Variants in DNAJC3 observed in about 807,000 individuals in gnomAD.
The protein encoded by DNAJC3 is DnaJ heat shock protein family (Hsp40) member C3.
Under a neutral mutation model 68.6 loss-of-function variants are expected in DNAJC3, and 38 were observed. That is an observed-to-expected ratio of 0.55 (90% CI 0.43 to 0.73). DNAJC3 has a LOEUF of 0.73. Among genes scored for constraint, DNAJC3 ranks in the 30% least tolerant of loss-of-function variants. DNAJC3 has a pLI of 0.00. For synonymous variants in DNAJC3, 203 were observed against 204.0 expected (o/e 1.00, Z 0.04); for missense variants, 526 against 591.9 (o/e 0.89, Z 1.16).
chr13:95,779,511 A>G (rs981515855), intron 9 of DNAJC3, among the ~76,000 whole-genome samples: 1 of 152,212 alleles, frequency 6.6e-6, no homozygotes, highest in Non-Finnish European at 1.5e-5. Flanking sequence ...GTAATATGCA[A>G]TACACATGAA....
chr13:95,790,413 C>T (rs1472245931), intron 11 of DNAJC3, among the ~76,000 whole-genome samples: 1 of 152,170 alleles, frequency 6.6e-6, no homozygotes, highest in African/African-American at 2.4e-5. Flanking sequence ...AGGCCCCGCT[C>T]CCCTCATGTC....
intron 1 of DNAJC3, among the ~76,000 whole-genome samples, chr13:95,701,139 T>C (rs1196407351): frequency 6.6e-6 from 1 of 152,220 alleles, no homozygotes; most frequent in Non-Finnish European, 1.5e-5. Context: ...CCGAGGGCTG[T>C]CCAGTGGAAC....
At chr13:95,716,075 T>G (rs1461215773) in intron 2 of DNAJC3, among the ~76,000 whole-genome samples, 1 of 152,032 alleles carries the variant, frequency 6.6e-6, no homozygotes, top group Non-Finnish European at 1.5e-5. Flanking sequence ...CGAGAATTGC[T>G]TGAACCTGGG....
intron 1 of DNAJC3, among the ~76,000 whole-genome samples, chr13:95,683,287 G>C (rs757411347): frequency 6.6e-6 from 1 of 152,132 alleles, no homozygotes; most frequent in Non-Finnish European, 1.5e-5. Context: ...TAATGGTGGG[G>C]TGGTATGATT....
rs36052714 is a variant in DNAJC3 at position 95,785,452 on chromosome 13, C to CTTTTTTTTTT, written c.1076-472_1076-463dup. On this transcript the variant is annotated intron_variant, in intron 9 of 11. Coordinates refer to ENST00000602402, the MANE Select transcript of DNAJC3 (RefSeq NM_006260.5). ...GTTTTCATTATTATGCCTTTTAAAC[C>CTTTTTTTTTT]TTTTTTTTTTTTTTTTTTTTTTTTG... is the stretch of plus-strand genomic sequence containing the variant. Among the ~76,000 whole-genome samples the CTTTTTTTTTT allele has an allele frequency of 1.3e-4, 10 of 77,948 alleles. 1 individual carries two copies. Among genetic ancestry groups the CTTTTTTTTTT allele is most frequent in the African/African-American group, 4.3e-4 (8 of 18,502 alleles). 51.1% of individuals were successfully genotyped at this position (77,948 alleles called of 152,430 possible).
At position 95,709,396 on chromosome 13, in the gene DNAJC3, C is replaced by CT. The variant is rs1054630445; in HGVS notation, c.193+66dup. 1,056 of 1,164,646 alleles carry CT rather than the reference C, an allele frequency of 9.1e-4. 9 individuals are homozygous for CT. In the African/African-American group the frequency reaches 0.016, roughly 17 times the overall value. 72.1% of individuals were successfully genotyped at this position (1,164,646 alleles called of 1,614,324 possible). A position where few individuals can be genotyped will look rare whatever the true frequency, so the allele number is the denominator to read the frequency against. On this transcript the variant is annotated intron_variant, in intron 2 of 11. Transcript: ENST00000602402. ...GTCTTAGTGAATTCTAGTAATAGCT[C>CT]TTTTTTTAAAAATAACATTTAAAAT...
chr13:95,775,311 G>A (rs1391948601), intron 9 of DNAJC3, among the ~76,000 whole-genome samples: 33 of 152,300 alleles, frequency 2.2e-4, no homozygotes, highest in Admixed American at 2.1e-3. Flanking sequence ...ATTAAAATAT[G>A]TCTTCCTCTA....
chr13:95,755,705 T>A (rs993135658), intron 4 of DNAJC3, among the ~76,000 whole-genome samples: 1 of 127,022 alleles, frequency 7.9e-6, no homozygotes, highest in Non-Finnish European at 1.5e-5. Context: ...TGCAGTGACC[T>A]GAGATTGCAC....
intron 2 of DNAJC3, among the ~76,000 whole-genome samples, chr13:95,709,735 G>A (rs913440990): frequency 5.9e-5 from 9 of 151,460 alleles, no homozygotes; most frequent in African/African-American, 1.9e-4. Flanking sequence ...TGCCTCCCGG[G>A]TTCATACCAT....
intron 4 of DNAJC3, among the ~76,000 whole-genome samples, chr13:95,734,941 G>A (rs1279362163): frequency 2.1e-5 from 3 of 145,614 alleles, no homozygotes; most frequent in Admixed American, 1.4e-4. Context: ...CTAGCATTAG[G>A]TATATCTCCC....
intron 9 of DNAJC3, among the ~76,000 whole-genome samples, chr13:95,778,578 C>G (rs1036829610): frequency 1.3e-5 from 2 of 152,070 alleles, no homozygotes; most frequent in East Asian, 1.9e-4. Context: ...ATTTAATAAC[C>G]CAGCCACACA....
intron 1 of DNAJC3, among the ~76,000 whole-genome samples, chr13:95,690,862 C>T (rs1248426347): frequency 1.5e-5 from 2 of 133,796 alleles, no homozygotes; most frequent in South Asian, 2.4e-4. Flanking sequence ...CCAGTAGGGG[C>T]GGCCGGGCAG....
intron 2 of DNAJC3, among the ~76,000 whole-genome samples, chr13:95,718,745 T>C (rs1881230108): frequency 6.6e-6 from 1 of 152,220 alleles, no homozygotes; most frequent in Non-Finnish European, 1.5e-5. Context: ...TGTCATTTGA[T>C]TCTCAGTGGA....
chr13:95,717,811 T>C (rs2139635240), intron 2 of DNAJC3, among the ~76,000 whole-genome samples: 1 of 152,338 alleles, frequency 6.6e-6, no homozygotes, highest in African/African-American at 2.4e-5. Context: ...CATGTGGAAC[T>C]GTCAGTCCAT....
chr13:95,705,103 A>G (rs1375469910), intron 1 of DNAJC3, among the ~76,000 whole-genome samples: 1 of 151,908 alleles, frequency 6.6e-6, no homozygotes, highest in Non-Finnish European at 1.5e-5. Flanking sequence ...CTGTCCGCCT[A>G]GGCCTCCCAA....
chr13:95,757,087 T>C (rs1260334020), intron 4 of DNAJC3, among the ~76,000 whole-genome samples: 1 of 151,990 alleles, frequency 6.6e-6, no homozygotes, highest in Non-Finnish European at 1.5e-5. Flanking sequence ...AGCCACATCA[T>C]GCACCTTTTA....
chr13:95,686,232 A>T, intron 1 of DNAJC3, among the ~76,000 whole-genome samples: 1 of 151,594 alleles, frequency 6.6e-6, no homozygotes, highest in East Asian at 2.0e-4. Flanking sequence ...AAGTGCTGGG[A>T]TTACAGGCGT....
At chr13:95,773,276 T>A (rs1744430217) in intron 9 of DNAJC3, among the ~76,000 whole-genome samples, 1 of 151,676 alleles carries the variant, frequency 6.6e-6, no homozygotes, top group South Asian at 2.1e-4. Context: ...GGCTAAGTGA[T>A]CCTCCTACCT....
At chr13:95,729,223 G>A (rs34205636) in intron 4 of DNAJC3, among the ~76,000 whole-genome samples, 3 of 72,756 alleles carry the variant, frequency 4.1e-5, no homozygotes, top group African/African-American at 5.6e-5. Flanking sequence ...CTTTTCCCCC[G>A]CCCTCTCCCT....
Sources: gnomAD v4.1 joint callset for allele counts (sites outside exome capture counted in the v4.1 genomes callset) on GRCh38, gnomAD v4.1.1 for gene constraint, MANE v1.5 for transcripts, NCBI Gene and HGNC (gene_info 2026-07-23, HGNC 2026-07-21) for gene names.